The following AFG3L2 variants were observed in gnomAD, a reference collection of about 807,000 sequenced individuals.
AFG3L2 encodes mitochondrial inner membrane m-AAA protease component AFG3L2.
In AFG3L2, 54 loss-of-function variants were observed where a neutral mutation model predicts 94.5. That is an observed-to-expected ratio of 0.57 (90% confidence interval 0.46 to 0.72). AFG3L2 has a LOEUF of 0.72. Ranked by LOEUF, AFG3L2 falls within the 30% of genes least tolerant of loss-of-function variation. AFG3L2 has a pLI of 0.00. For synonymous variants in AFG3L2, 377 were observed against 365.5 expected (o/e 1.03, Z -0.36); for missense variants, 754 against 994.9 (o/e 0.76, Z 3.26).
chr18:12,373,437 T>C (rs1909051032), intron 1 of AFG3L2, among the ~76,000 whole-genome samples: 1 of 152,126 alleles, frequency 6.6e-6, no homozygotes, highest in Non-Finnish European at 1.5e-5. Context: ...AAGAAAATCA[T>C]GGGACAAATC....
At chr18:12,350,881 G>A (rs1414626352) in intron 12 of AFG3L2, among the ~76,000 whole-genome samples, 1 of 152,184 alleles carries the variant, frequency 6.6e-6, no homozygotes. Flanking sequence ...CCAGAAGGTT[G>A]AGGCTACAGT....
Position 12,358,823 on chromosome 18 carries a change from G to A in AFG3L2, c.873C>T (p.Val291=), listed in dbSNP as rs138262685. Residue 291 remains valine (V), a synonymous_variant, in exon 8 of 17, where the codon GTC becomes GTT. Coordinates refer to ENST00000269143, the MANE Select transcript of AFG3L2 (RefSeq NM_006796.3). ...TGRGMGGLFS[V]GETTAKVLKD... is the part of the protein sequence containing the mutation. Reference sequence around the variant, plus strand: ...TTAAGACCTTGGCAGTGGTTTCTCCGACACTGAAGAGTCCGCCCATCCCTC... The same window carrying A: ...TTAAGACCTTGGCAGTGGTTTCTCCAACACTGAAGAGTCCGCCCATCCCTC... 24 of 1,614,188 alleles carry A rather than the reference G, an allele frequency of 1.5e-5. No homozygotes were observed. The East Asian group carries it at 1.8e-4, about 12-fold the overall frequency.
chr18:12,371,507 T>C, intron 2 of AFG3L2, 85 bp downstream of exon 2: 1 of 1,026,186 alleles, frequency 9.7e-7, no homozygotes, highest in African/African-American at 1.6e-5. Flanking sequence ...CAGACATAAG[T>C]TGGAGGCAGG....
chr18:12,329,319 C>G lies in AFG3L2; in HGVS notation c.*246G>C. 1 of 677,068 alleles carries G rather than the reference C, an allele frequency of 1.5e-6. No homozygotes were observed. Among genetic ancestry groups the G allele is most frequent in the African/African-American group, 1.8e-5 (1 of 56,414 alleles). The allele number at this position is 677,068 out of a possible 1,614,324, so 41.9% of individuals were successfully genotyped here. A position where few individuals can be genotyped will look rare whatever the true frequency, so the allele number is the denominator to read the frequency against. ...GCCACTCTGGGCTCAACCTTTCCAG[C>G]ACGTCTGGGAGCCCAATGAGGCTAT... On this transcript the variant is annotated 3_prime_UTR_variant, in exon 17 of 17. Transcript: ENST00000269143.
rs540091183 is a variant in AFG3L2, at chr18:12,355,144, G to A, written c.1164+1550C>T. Among the ~76,000 whole-genome samples the A allele has an allele frequency of 1.3e-4, 20 of 151,258 alleles. No individual in the cohort carries two copies. The East Asian group carries it at 3.9e-3, about 30-fold the overall frequency. ...GAGGCAGAATCACTTGAACCCGGGA[G>A]GCAGAGGTTATGCCGCTGCACTCCA... On this transcript the variant is annotated intron_variant, in intron 9 of 16. Coordinates refer to ENST00000269143, the MANE Select transcript of AFG3L2 (RefSeq NM_006796.3).
At chr18:12,342,781 C>G (rs1907995766) in intron 14 of AFG3L2, 1 of 152,124 alleles carries the variant, frequency 6.6e-6, no homozygotes, top group Non-Finnish European at 1.5e-5. Context: ...TAAGACAATT[C>G]CTCCCCCTTG....
At chr18:12,365,428 A>G (rs1568144889) in intron 5 of AFG3L2, among the ~76,000 whole-genome samples, 2 of 152,164 alleles carry the variant, frequency 1.3e-5, no homozygotes, top group Admixed American at 1.3e-4. Flanking sequence ...CCTCACTTTC[A>G]TAAGATAAAC....
At chr18:12,368,892 G>A (rs994781441) in intron 3 of AFG3L2, among the ~76,000 whole-genome samples, 10 of 152,004 alleles carry the variant, frequency 6.6e-5, no homozygotes, top group African/African-American at 1.7e-4. Context: ...TTGAGCCACC[G>A]CACCCGGACC....
rs951182641 is a variant in AFG3L2 at position 12,344,541 on chromosome 18, G to T, written c.1664-294C>A. On this transcript the variant is annotated intron_variant, in intron 13 of 16. Transcript: ENST00000269143. ...AATACAAAATTAGCCAGGCGTCGTG[G>T]TGAGCGCCTGTACTCCCAGCTGCTA... is the stretch of plus-strand genomic sequence containing the variant. 2.6e-5 allele frequency among the ~76,000 whole-genome samples: 4 copies of T among 151,946 alleles called. No individual in the cohort carries two copies. The East Asian group carries it at 7.7e-4, about 29-fold the overall frequency.
rs750082852 is a variant in AFG3L2, at chr18:12,356,820, G to A, written c.1038C>T (p.Leu346=). 1 of 1,614,150 alleles carries A rather than the reference G, an allele frequency of 6.2e-7. No homozygotes were observed. The highest frequency in any genetic ancestry group is 1.1e-5 in the South Asian group (1 of 91,084). Residue 346 remains leucine (L), a synonymous_variant, in exon 9 of 17, where the codon CTC becomes CTT. Transcript: ENST00000269143. ...TCTTCCCAGTGCCTGGAGGACCAGT[G>A]AGAATGGCACCCTTCAGATATGAAA... ...LGAKIPKGAI[L]TGPPGTGKTL... is the part of the protein sequence containing the mutation.
At chr18:12,343,255 C>G (rs1267193421) in intron 14 of AFG3L2, 1 of 152,146 alleles carries the variant, frequency 6.6e-6, no homozygotes, top group African/African-American at 2.4e-5. Flanking sequence ...ATTGCTAATA[C>G]ACAGAAATAC....
intron 15 of AFG3L2, among the ~76,000 whole-genome samples, chr18:12,339,876 C>G (rs2143122793): frequency 6.9e-6 from 1 of 145,890 alleles, no homozygotes; most frequent in Non-Finnish European, 1.5e-5. Flanking sequence ...AAAAATTAGC[C>G]ACATGTGGTG....
intron 7 of AFG3L2, 68 bp from the exon 8 acceptor site, chr18:12,359,011 G>A: frequency 1.3e-6 from 2 of 1,550,246 alleles, no homozygotes; most frequent in East Asian, 4.9e-5. Flanking sequence ...TGTGGTGCAA[G>A]ATATCAATAT....
intron 13 of AFG3L2, among the ~76,000 whole-genome samples, chr18:12,347,506 T>G (rs1908179845): frequency 6.6e-6 from 1 of 152,210 alleles, no homozygotes; most frequent in African/African-American, 2.4e-5. Context: ...GAGGAAGCAC[T>G]TCCAGCTCTA....
intron 8 of AFG3L2, among the ~76,000 whole-genome samples, chr18:12,357,587 G>C (rs1003334075): frequency 1.3e-5 from 2 of 151,686 alleles, no homozygotes; most frequent in Non-Finnish European, 2.9e-5. Context: ...AGAAAGATGT[G>C]TTTGCTCAAA....
chr18:12,367,364 G>A lies in AFG3L2; in HGVS notation c.311C>T (p.Thr104Ile), dbSNP rs528206939. ...GEKKESKPAA[T>I]TRSSGGGGGG... ...ACCTCCTCCTCCAGAAGAGCGTGTG[G>A]TAGCAGCTGGCTTTGATTCTGTTCA... Residue 104 changes from threonine (T) to isoleucine (I), a missense_variant, in exon 4 of 17, where the codon ACC (threonine) becomes ATC (isoleucine). Around this residue, in one of 4 missense-constraint regions of AFG3L2, gnomAD observed 236 missense variants for 214.0 expected, o/e 1.10. Transcript: ENST00000269143. 28 of 1,614,158 alleles carry A rather than the reference G, an allele frequency of 1.7e-5. No individual in the cohort carries two copies. The South Asian group carries it at 2.5e-4, about 15-fold the overall frequency.
At chr18:12,343,781 A>C (rs74965224) in intron 14 of AFG3L2, 1 of 341,050 alleles carries the variant, frequency 2.9e-6, no homozygotes, top group Non-Finnish European at 5.6e-6. Context: ...CCTCAGGATA[A>C]TAAAGACTAT....
chr18:12,356,651 TG>T (rs765706153), intron 9 of AFG3L2, 42 bp downstream of exon 9: 13 of 1,613,756 alleles, frequency 8.1e-6, no homozygotes, highest in Non-Finnish European at 1.0e-5. Flanking sequence ...GGTGAAGTGG[TG>T]GGTGCAAGGA....
chr18:12,334,246 T>C (rs1432176518), intron 16 of AFG3L2, among the ~76,000 whole-genome samples: 1 of 152,234 alleles, frequency 6.6e-6, no homozygotes, highest in African/African-American at 2.4e-5. Context: ...ACTTCAAAAC[T>C]GTCCAGTGTT....
Sources: allele counts gnomAD v4.1 joint callset (sites outside exome capture counted in the v4.1 genomes callset), GRCh38; gene constraint gnomAD v4.1.1; regional missense constraint gnomAD v4.1.1; transcripts MANE v1.5; gene names NCBI Gene and HGNC (gene_info 2026-07-23, HGNC 2026-07-21).